RBFOX2: variants seen among roughly 807,000 people sequenced by gnomAD.
The protein encoded by RBFOX2 is RNA binding protein fox-1 homolog 2.
In RBFOX2, 10 loss-of-function variants were observed where a neutral mutation model predicts 49.1. The observed-to-expected ratio is 0.20, with a 90% confidence interval of 0.13 to 0.35. The LOEUF is 0.35. Among genes scored for constraint, RBFOX2 ranks in the 10% least tolerant of loss-of-function variants. The pLI is 1.00. For missense variants in RBFOX2, 323 were observed against 486.9 expected, an observed-to-expected ratio of 0.66 and a Z score of 3.17; for synonymous variants, 183 against 187.4, an observed-to-expected ratio of 0.98 and a Z score of 0.19.
chr22:35,800,481 T>C (rs1949569060), intron 2 of RBFOX2, among the ~76,000 whole-genome samples: 1 of 152,212 alleles, frequency 6.6e-6, no homozygotes, highest in African/African-American at 2.4e-5. Context: ...ACCTAAAGCT[T>C]CAATCAAGTA....
At chr22:35,989,980 G>A (rs1440249626) in intron 1 of RBFOX2, among the ~76,000 whole-genome samples, 1 of 152,080 alleles carries the variant, frequency 6.6e-6, no homozygotes, top group Non-Finnish European at 1.5e-5. Context: ...TCAGGAGTTC[G>A]AGACCAGCCT....
chr22:35,742,933 G>C (rs927644652), exon 12 of RBFOX2: 3 of 152,858 alleles, frequency 2.0e-5, no homozygotes, highest in African/African-American at 7.2e-5. Flanking sequence ...AAGCTCAGCG[G>C]GATAGCCACA....
Position 35,944,459 on chromosome 22 carries a change from T to C in RBFOX2, c.43-5562A>G, listed in dbSNP as rs116006402. Among the ~76,000 whole-genome samples the C allele has an allele frequency of 1.4e-3, 220 of 152,288 alleles. 2 individuals are homozygous for C. The highest frequency in any genetic ancestry group is 4.9e-3 in the African/African-American group (202 of 41,558). On this transcript the variant is annotated intron_variant, in intron 1 of 5. Transcript: ENST00000408983. ...AATACTGGTGAAATTACCCAGAATA[T>C]AGCACATAGAGGAGAAAAAAGGTAC...
At chr22:35,958,377 AC>A (rs1355299668) in intron 1 of RBFOX2, among the ~76,000 whole-genome samples, 1 of 152,216 alleles carries the variant, frequency 6.6e-6, no homozygotes, top group Non-Finnish European at 1.5e-5. Flanking sequence ...AAGTATACCT[AC>A]CCCATAGAGA....
chr22:35,849,753 T>C (rs111933583), intron 1 of RBFOX2, among the ~76,000 whole-genome samples: 254 of 152,288 alleles, frequency 1.7e-3, no homozygotes, highest in African/African-American at 5.9e-3. Flanking sequence ...TCTACGCAGA[T>C]AGGTATGCTG....
chr22:35,836,657 G>A (rs1449241389), intron 1 of RBFOX2, among the ~76,000 whole-genome samples: 1 of 152,220 alleles, frequency 6.6e-6, no homozygotes, highest in Non-Finnish European at 1.5e-5. Context: ...GTCCAAGAAA[G>A]GGAGGGCTTT....
At chr22:35,954,647 GC>G (rs2055345133) in intron 1 of RBFOX2, among the ~76,000 whole-genome samples, 1 of 152,114 alleles carries the variant, frequency 6.6e-6, no homozygotes, top group African/African-American at 2.4e-5. Context: ...CCCAAGCCTT[GC>G]CCCACTTGGT....
intron 9 of RBFOX2, among the ~76,000 whole-genome samples, chr22:35,753,121 T>C (rs1348886266): frequency 7.9e-5 from 12 of 152,338 alleles, no homozygotes; most frequent in Admixed American, 7.8e-4. Context: ...TTTTCCCTTG[T>C]GTCTTCTCTT....
rs554102233 is a variant in RBFOX2, at chr22:35,934,253, A to G, written c.-34+4594T>C. Among the ~76,000 whole-genome samples the G allele has an allele frequency of 7.9e-5, 12 of 152,136 alleles. No homozygotes were observed. The South Asian group carries it at 2.3e-3, about 29-fold the overall frequency. Reference sequence around the variant, plus strand: ...TTCAAGTAGTATTTCAATCACATCTATATATAAGGATCTTGACCTCATATC... The same window carrying G: ...TTCAAGTAGTATTTCAATCACATCTGTATATAAGGATCTTGACCTCATATC... On this transcript the variant is annotated intron_variant, in intron 1 of 13. Coordinates refer to the RBFOX2 transcript ENST00000359369.
intron 1 of RBFOX2, among the ~76,000 whole-genome samples, chr22:36,003,459 A>C (rs1310614197): frequency 6.6e-6 from 1 of 152,206 alleles, no homozygotes; most frequent in East Asian, 1.9e-4. Context: ...AGGGGGAAAA[A>C]ATTAGATGTA....
At chr22:35,962,674 T>C (rs1206514248), upstream of RBFOX2, among the ~76,000 whole-genome samples, 2 of 152,180 alleles carry the variant, frequency 1.3e-5, no homozygotes, top group Non-Finnish European at 2.9e-5. Context: ...ACTCACCTCA[T>C]ACACCAGCCA....
At position 35,859,344 on chromosome 22, in the gene RBFOX2, AG is replaced by A. The variant is rs769408063; in HGVS notation, c.-33-49341del. Among the ~76,000 whole-genome samples, 2 of 152,358 alleles carry A rather than the reference AG, an allele frequency of 1.3e-5. 1 individual carries two copies. Among genetic ancestry groups the A allele is most frequent in the South Asian group, 4.1e-4 (2 of 4,830 alleles). Reference sequence around the variant, plus strand: ...ACTTTTCAAGTGCATAAAACAGCATAGCATACATGAAGCCATACCTACAGAA... The same window carrying A: ...ACTTTTCAAGTGCATAAAACAGCATACATACATGAAGCCATACCTACAGAA... On this transcript the variant is annotated intron_variant, in intron 1 of 13. Transcript: ENST00000359369.
exon 12 of RBFOX2, chr22:35,740,930 G>A (rs919335908): frequency 6.6e-6 from 1 of 152,178 alleles, no homozygotes; most frequent in Non-Finnish European, 1.5e-5. Context: ...TTGAGGAAAA[G>A]CTGCTATCGA....
At chr22:35,854,479 A>G (rs2042293277) in intron 1 of RBFOX2, among the ~76,000 whole-genome samples, 2 of 151,848 alleles carry the variant, frequency 1.3e-5, no homozygotes, top group Admixed American at 1.3e-4. Context: ...CTATACTCCC[A>G]CCTACTTCGG....
intron 1 of RBFOX2, among the ~76,000 whole-genome samples, chr22:36,008,909 A>G (rs1158406833): frequency 1.3e-4 from 20 of 152,196 alleles, no homozygotes; most frequent in Admixed American, 1.3e-3. Flanking sequence ...TCTTCAAAAC[A>G]CCAAGAAAGC....
At chr22:35,820,234 C>T (rs1569258480) in intron 1 of RBFOX2, among the ~76,000 whole-genome samples, 1 of 152,142 alleles carries the variant, frequency 6.6e-6, no homozygotes, top group South Asian at 2.1e-4. Context: ...TTAAATGTAC[C>T]ACTCGGCAAA....
Position 35,742,192 on chromosome 22 carries a change from G to A in RBFOX2, c.*2003C>T, listed in dbSNP as rs117149350. 712 of 152,288 alleles carry A rather than the reference G, an allele frequency of 4.7e-3. 1 individual carries two copies. The highest frequency in any genetic ancestry group is 8.4e-3 in the Non-Finnish European group (569 of 68,040). 9.4% of individuals were successfully genotyped at this position (152,288 alleles called of 1,614,324 possible). A position where few individuals can be genotyped will look rare whatever the true frequency, so the allele number is the denominator to read the frequency against. On this transcript the variant is annotated 3_prime_UTR_variant, in exon 12 of 12. Transcript: ENST00000405409. ...ACCCTTAAAAATGGCCAGTGGACTG[G>A]GCAGTTGGTGTCCCCTTATTCTCTG...
At chr22:35,839,994 G>T (rs1053473478) in intron 1 of RBFOX2, among the ~76,000 whole-genome samples, 1 of 152,144 alleles carries the variant, frequency 6.6e-6, no homozygotes, top group African/African-American at 2.4e-5. Flanking sequence ...TTGAGGGAGG[G>T]GGAAGAAAGG....
chr22:36,007,687 G>T (rs2058668128), intron 1 of RBFOX2, among the ~76,000 whole-genome samples: 1 of 152,070 alleles, frequency 6.6e-6, no homozygotes. Flanking sequence ...CTCCTCCGAG[G>T]AGGCAACCGC....
Sources: gnomAD v4.1 joint callset for allele counts (sites outside exome capture counted in the v4.1 genomes callset) on GRCh38, gnomAD v4.1.1 for gene constraint, MANE v1.5 for transcripts, NCBI Gene and HGNC (gene_info 2026-07-23, HGNC 2026-07-21) for gene names.